The following SIPA1L1 variants were observed in gnomAD, a reference collection of about 807,000 sequenced individuals.
SIPA1L1 encodes signal induced proliferation associated 1 like 1.
Under a neutral mutation model 162.7 loss-of-function variants are expected in SIPA1L1, and 26 were observed. The ratio of observed to expected loss-of-function variants is 0.16; its 90% confidence interval spans 0.12 to 0.22. The LOEUF is 0.22. Ranked by LOEUF, SIPA1L1 falls within the 10% of genes least tolerant of loss-of-function variation. The pLI is 1.00. For missense variants in SIPA1L1, 1,874 were observed against 2,241.0 expected, an observed-to-expected ratio of 0.84 and a Z score of 3.31; for synonymous variants, 829 against 837.4, an observed-to-expected ratio of 0.99 and a Z score of 0.17.
intron 2 of SIPA1L1, among the ~76,000 whole-genome samples, chr14:71,464,784 A>G (rs1363199527): frequency 2.0e-5 from 3 of 152,186 alleles, no homozygotes; most frequent in Non-Finnish European, 4.4e-5. Flanking sequence ...GCTGTTCTCC[A>G]GATTTCTGTT....
Position 71,658,316 on chromosome 14 carries a change from A to G in SIPA1L1, c.1994-17A>G. ...CCTGTTATAGTCATCTCATCATTAT[A>G]TTTTTTTTAACTGTAGCTGACTCCA... On this transcript the variant is annotated splice_polypyrimidine_tract_variant and intron_variant, in intron 8 of 23. Coordinates refer to ENST00000381232, the MANE Select transcript of SIPA1L1 (RefSeq NM_001386936.1). 1 of 1,280,470 alleles carries G rather than the reference A, an allele frequency of 7.8e-7. No individual in the cohort carries two copies. The highest frequency in any genetic ancestry group is 1.1e-6 in the Non-Finnish European group (1 of 881,360). The allele number at this position is 1,280,470 out of a possible 1,614,324, so 79.3% of individuals were successfully genotyped here.
chr14:71,735,229 C>T (rs771232347), intron 21 of SIPA1L1, 48 bp from the exon 22 acceptor site: 2 of 1,274,672 alleles, frequency 1.6e-6, no homozygotes, highest in Non-Finnish European at 2.3e-6. Flanking sequence ...TAGATAGGGC[C>T]AGGGATGTGG....
chr14:71,356,949 T>G (rs926587467), intron 2 of SIPA1L1, among the ~76,000 whole-genome samples: 1 of 152,060 alleles, frequency 6.6e-6, no homozygotes, highest in African/African-American at 2.4e-5. Flanking sequence ...TATGAATCAG[T>G]TAGTATAAAT....
chr14:71,384,845 A>C (rs1375063112), intron 2 of SIPA1L1, among the ~76,000 whole-genome samples: 1 of 152,154 alleles, frequency 6.6e-6, no homozygotes, highest in Non-Finnish European at 1.5e-5. Context: ...TGTCTCCTTC[A>C]GATCGGTAGG....
chr14:71,586,545 G>T (rs1312742223), intron 4 of SIPA1L1: 1 of 152,208 alleles, frequency 6.6e-6, no homozygotes, highest in Non-Finnish European at 1.5e-5. Context: ...TGTGTAATTT[G>T]TGGAGTCTTG....
intron 4 of SIPA1L1, among the ~76,000 whole-genome samples, chr14:71,581,090 G>A (rs890915928): frequency 2.0e-5 from 3 of 151,928 alleles, no homozygotes; most frequent in Non-Finnish European, 4.4e-5. Context: ...ATGTTCAATA[G>A]GATGCATGAT....
chr14:71,719,863 AC>A (rs1379636378), intron 17 of SIPA1L1, among the ~76,000 whole-genome samples: 20 of 152,068 alleles, frequency 1.3e-4, no homozygotes, highest in Non-Finnish European at 1.2e-4. Flanking sequence ...GTTCCCATAC[AC>A]CCCTCACCAA....
chr14:71,601,135 A>G (rs1402630243), intron 5 of SIPA1L1, among the ~76,000 whole-genome samples: 1 of 151,992 alleles, frequency 6.6e-6, no homozygotes, highest in Non-Finnish European at 1.5e-5. Context: ...CCAATACTGT[A>G]TTGGAGTGGT....
chr14:71,654,432 G>A (rs1035191849), intron 8 of SIPA1L1, among the ~76,000 whole-genome samples: 2 of 152,104 alleles, frequency 1.3e-5, no homozygotes, highest in Non-Finnish European at 2.9e-5. Context: ...GGATTATTTG[G>A]GGGAATTATT....
intron 2 of SIPA1L1, among the ~76,000 whole-genome samples, chr14:71,411,063 G>T (rs2042369333): frequency 6.6e-6 from 1 of 151,938 alleles, no homozygotes; most frequent in Non-Finnish European, 1.5e-5. Flanking sequence ...GAAAACTCAG[G>T]GTGGTAGTTA....
At chr14:71,605,956 A>T (rs1245428031) in intron 5 of SIPA1L1, among the ~76,000 whole-genome samples, 1 of 152,154 alleles carries the variant, frequency 6.6e-6, no homozygotes, top group East Asian at 1.9e-4. Context: ...CAGTAACAGT[A>T]GTGGGATGAC....
intron 4 of SIPA1L1, among the ~76,000 whole-genome samples, chr14:71,545,450 A>T (rs2055101910): frequency 6.6e-6 from 1 of 152,054 alleles, no homozygotes; most frequent in African/African-American, 2.4e-5. Flanking sequence ...ATTTTCTGTG[A>T]TCCTCTAAGT....
intron 17 of SIPA1L1, among the ~76,000 whole-genome samples, chr14:71,721,722 G>A (rs2083753853): frequency 6.6e-6 from 1 of 152,178 alleles, no homozygotes; most frequent in African/African-American, 2.4e-5. Flanking sequence ...TCCCTGCCTG[G>A]AGTTGGAGGA....
intron 2 of SIPA1L1, among the ~76,000 whole-genome samples, chr14:71,384,396 A>G (rs978213712): frequency 1.3e-5 from 2 of 152,108 alleles, no homozygotes; most frequent in South Asian, 4.1e-4. Flanking sequence ...CTAACATTTG[A>G]GTTGGCAGAA....
At chr14:71,597,744 C>T (rs1267767915) in intron 5 of SIPA1L1, among the ~76,000 whole-genome samples, 1 of 152,202 alleles carries the variant, frequency 6.6e-6, no homozygotes, top group African/African-American at 2.4e-5. Flanking sequence ...CCTTTCCTCT[C>T]TTGCCTACCT....
At chr14:71,660,397 G>A (rs1566587744) in intron 9 of SIPA1L1, among the ~76,000 whole-genome samples, 1 of 151,816 alleles carries the variant, frequency 6.6e-6, no homozygotes, top group Non-Finnish European at 1.5e-5. Flanking sequence ...CTCCCAATTT[G>A]CAACCCTAAT....
At chr14:71,408,620 C>T (rs149550544) in intron 2 of SIPA1L1, among the ~76,000 whole-genome samples, 1 of 152,306 alleles carries the variant, frequency 6.6e-6, no homozygotes, top group African/African-American at 2.4e-5. Context: ...GCCTCCACCC[C>T]CTTTCCCCTT....
chr14:71,459,153 G>A (rs891125924), intron 2 of SIPA1L1, among the ~76,000 whole-genome samples: 1 of 152,048 alleles, frequency 6.6e-6, no homozygotes, highest in Non-Finnish European at 1.5e-5. Flanking sequence ...TGCTAGCTGT[G>A]AGCATTATAT....
intron 2 of SIPA1L1, among the ~76,000 whole-genome samples, chr14:71,479,007 GT>G (rs2048106841): frequency 6.6e-6 from 1 of 151,996 alleles, no homozygotes; most frequent in African/African-American, 2.4e-5. Context: ...TTTTCTCCAG[GT>G]TTAGGAATTC....
Sources: allele counts gnomAD v4.1 joint callset (sites outside exome capture counted in the v4.1 genomes callset), GRCh38; gene constraint gnomAD v4.1.1; transcripts MANE v1.5; gene names NCBI Gene and HGNC (gene_info 2026-07-23, HGNC 2026-07-21).